The following PRDM15 variants were observed in gnomAD, a reference collection of about 807,000 sequenced individuals.
PRDM15 encodes the protein PR domain zinc finger protein 15.
PRDM15 carries 64 observed loss-of-function variants against 128.6 expected under a neutral mutation model. That is an observed-to-expected ratio of 0.50 (90% CI 0.41 to 0.61). The LOEUF (loss-of-function observed/expected upper bound fraction) is 0.61, where lower values mean the gene tolerates loss of function less well. Ranked by LOEUF, PRDM15 falls within the 20% of genes least tolerant of loss-of-function variation. The probability of loss-of-function intolerance (pLI) is 0.00; values close to 1 mark genes in which losing one functional copy is unlikely to be tolerated. For synonymous variants in PRDM15, 615 were observed against 621.8 expected (o/e 0.99, Z 0.16); for missense variants, 1,242 against 1,569.1 (o/e 0.79, Z 3.52).
chr21:41,831,597 G>A (rs774153112), intron 11 of PRDM15, among the ~76,000 whole-genome samples: 25 of 152,210 alleles, frequency 1.6e-4, no homozygotes, highest in Admixed American at 5.2e-4. Flanking sequence ...TCCCCCGGGA[G>A]AGCCAGGCGC....
intron 21 of PRDM15, among the ~76,000 whole-genome samples, chr21:41,805,956 C>T (rs1472809147): frequency 1.3e-5 from 2 of 149,504 alleles, no homozygotes; most frequent in Non-Finnish European, 3.0e-5. Flanking sequence ...CACCACGTGG[C>T]ATCACCACCA....
chr21:41,866,417 C>G (rs8129811), intron 1 of PRDM15, among the ~76,000 whole-genome samples: 61,005 of 151,970 alleles, frequency 0.4, 12,378 homozygotes, highest in African/African-American at 0.46. Context: ...TGCCATCCCC[C>G]GTCCATGACA....
At chr21:41,817,225 T>G (rs947219708) in intron 18 of PRDM15, among the ~76,000 whole-genome samples, 1 of 152,220 alleles carries the variant, frequency 6.6e-6, no homozygotes. Flanking sequence ...AAAACTGATG[T>G]TTTTTAAATA....
rs2063293019 is a variant in PRDM15 at position 41,847,197 on chromosome 21, AAAGACATGAGAGGAG to A, written c.539-21_539-7del. 1 of 1,547,250 alleles carries A rather than the reference AAAGACATGAGAGGAG, an allele frequency of 6.5e-7. No homozygotes were observed. Among genetic ancestry groups the A allele is most frequent in the Non-Finnish European group, 8.7e-7 (1 of 1,143,750 alleles). On this transcript the variant is annotated splice_polypyrimidine_tract_variant and splice_region_variant and intron_variant, in intron 5 of 23. Transcript: ENST00000398548. Reference sequence around the variant, plus strand: ...GTTTTCTGGGGTGCCTGCAGCTTCAAAAGACATGAGAGGAGAAAAAGGTGACCCCCAAGCAGCTCA... The same window carrying A: ...GTTTTCTGGGGTGCCTGCAGCTTCAAAAAAAGGTGACCCCCAAGCAGCTCA...
chr21:41,815,672 C>T, intron 19 of PRDM15, 33 bp downstream of exon 19: 2 of 1,609,162 alleles, frequency 1.2e-6, no homozygotes, highest in Non-Finnish European at 1.7e-6. Flanking sequence ...ACAGTGAGCG[C>T]CGTGGCTGGC....
rs1203893298 is a variant in PRDM15 at position 41,810,571 on chromosome 21, A to G, written c.2476+182T>C. On this transcript the variant is annotated intron_variant, in intron 20 of 23. Transcript: ENST00000398548. This position sits in a 1 kb window ranked among gnomAD's most constrained non-coding sequence, Gnocchi z 6.4. Reference sequence around the variant, plus strand: ...AATATGAGAAAATTCAAGAAGGGATACTTGAAAGCTGTGGCGGGTTGACCT... The same window carrying G: ...AATATGAGAAAATTCAAGAAGGGATGCTTGAAAGCTGTGGCGGGTTGACCT... The G allele has an allele frequency of 1.6e-6, 1 of 642,568 alleles. No homozygotes were observed. Among genetic ancestry groups the G allele is most frequent in the East Asian group, 2.7e-5 (1 of 36,590 alleles). 39.8% of individuals were successfully genotyped at this position (642,568 alleles called of 1,614,324 possible).
At position 41,825,951 on chromosome 21, in the gene PRDM15, G is replaced by A. The variant is rs760581990; in HGVS notation, c.1629+9C>T. 12 of 1,604,694 alleles carry A rather than the reference G, an allele frequency of 7.5e-6. No individual in the cohort carries two copies. The highest frequency in any genetic ancestry group is 1.7e-4 in the Middle Eastern group (1 of 6,046). On this transcript the variant is annotated intron_variant, in intron 13 of 23. Coordinates refer to ENST00000398548, the MANE Select transcript of PRDM15 (RefSeq NM_001040424.3). ...CATCTCAGCGTCCGACGTGGACTGCGAGCATTACCTTGCCACACACCGGGC... is the reference window on the plus strand; with the variant it reads ...CATCTCAGCGTCCGACGTGGACTGCAAGCATTACCTTGCCACACACCGGGC...
At chr21:41,824,751 C>T (rs2062408606) in intron 13 of PRDM15, among the ~76,000 whole-genome samples, 1 of 152,232 alleles carries the variant, frequency 6.6e-6, no homozygotes, top group South Asian at 2.1e-4. Context: ...TCCGGAGCCT[C>T]ACCTGGACCC....
At chr21:41,847,052 G>A in intron 6 of PRDM15, 38 bp downstream of exon 6, 1 of 1,339,524 alleles carries the variant, frequency 7.5e-7, no homozygotes, top group Non-Finnish European at 1.0e-6. Context: ...ATCGACACAG[G>A]AGTTTTACAA....
At chr21:41,827,697 T>C (rs2062517993) in intron 12 of PRDM15, among the ~76,000 whole-genome samples, 1 of 152,222 alleles carries the variant, frequency 6.6e-6, no homozygotes, top group Non-Finnish European at 1.5e-5. Context: ...AACAAGCATA[T>C]GCTTCATTTG....
rs2061851812 is a variant in PRDM15, at chr21:41,811,200, G to A, written c.2393-364C>T. The A allele has an allele frequency of 4.6e-6, 1 of 216,586 alleles. No individual in the cohort carries two copies. The highest frequency in any genetic ancestry group is 4.9e-5 in the Admixed American group (1 of 20,356). 13.4% of individuals were successfully genotyped at this position (216,586 alleles called of 1,614,324 possible). A position where few individuals can be genotyped will look rare whatever the true frequency, so the allele number is the denominator to read the frequency against. On this transcript the variant is annotated intron_variant, in intron 19 of 23. Coordinates refer to ENST00000398548, the MANE Select transcript of PRDM15 (RefSeq NM_001040424.3). This position sits in a 1 kb window ranked among gnomAD's most constrained non-coding sequence, Gnocchi z 4.1. ...CAGGAAGCTCTTAGGCAGCACATGT[G>A]ATATTACAATGAGAGAGGAAATGGT...
At chr21:41,863,638 C>G (rs1569011585) in intron 1 of PRDM15, among the ~76,000 whole-genome samples, 3 of 152,098 alleles carry the variant, frequency 2.0e-5, no homozygotes, top group African/African-American at 7.2e-5. Flanking sequence ...GGGGTGACTT[C>G]AGGTTCCTTA....
At chr21:41,866,877 C>A (rs563745636) in intron 1 of PRDM15, among the ~76,000 whole-genome samples, 1 of 152,282 alleles carries the variant, frequency 6.6e-6, no homozygotes, top group South Asian at 2.1e-4. Flanking sequence ...CCACCTGACC[C>A]GCATCTTGAT....
intron 5 of PRDM15, among the ~76,000 whole-genome samples, chr21:41,853,186 C>T (rs773433315): frequency 5.9e-5 from 9 of 152,320 alleles, no homozygotes; most frequent in Non-Finnish European, 5.9e-5. Flanking sequence ...AGCGCAGCGC[C>T]GGGACACTCC....
intron 11 of PRDM15, among the ~76,000 whole-genome samples, chr21:41,830,094 A>G (rs1321886287): frequency 6.7e-6 from 1 of 149,892 alleles, no homozygotes; most frequent in Non-Finnish European, 1.5e-5. Context: ...TACTCAACAT[A>G]CACCACAAAC....
At chr21:41,809,755 T>C (rs78241018) in intron 21 of PRDM15, among the ~76,000 whole-genome samples, 10,003 of 152,220 alleles carry the variant, frequency 0.066, 430 homozygotes, top group Middle Eastern at 0.14. Flanking sequence ...TTCAGAGCAG[T>C]TGGGCTCTGC....
chr21:41,809,940 A>C (rs9978873), intron 21 of PRDM15, among the ~76,000 whole-genome samples: 54,122 of 152,002 alleles, frequency 0.36, 9,844 homozygotes, highest in Admixed American at 0.42. Flanking sequence ...TTATAACCTT[A>C]GCAAAGGTCC....
At chr21:41,852,946 A>G (rs2063474696) in intron 5 of PRDM15, among the ~76,000 whole-genome samples, 1 of 152,220 alleles carries the variant, frequency 6.6e-6, no homozygotes, top group East Asian at 1.9e-4. Context: ...GAGACATGGG[A>G]GAGAAGACAG....
intron 3 of PRDM15, among the ~76,000 whole-genome samples, chr21:41,858,021 C>G (rs1324086424): frequency 2.0e-5 from 3 of 152,174 alleles, no homozygotes; most frequent in Non-Finnish European, 2.9e-5. Flanking sequence ...CGGGACAGAA[C>G]AGGGTCAGAC....
Sources: allele counts gnomAD v4.1 joint callset (sites outside exome capture counted in the v4.1 genomes callset), GRCh38; gene constraint gnomAD v4.1.1; non-coding constraint Gnocchi (gnomAD v3.1); transcripts MANE v1.5; gene names NCBI Gene and HGNC (gene_info 2026-07-23, HGNC 2026-07-21).